ELF2: variants seen among roughly 807,000 people sequenced by gnomAD.
ELF2 encodes ETS-related transcription factor Elf-2.
In ELF2, 11 loss-of-function variants were observed where a neutral mutation model predicts 54.8. That is an observed-to-expected ratio of 0.20 (90% CI 0.13 to 0.33). ELF2 has a LOEUF of 0.33. Among genes scored for constraint, ELF2 ranks in the 10% least tolerant of loss-of-function variants. The pLI is 1.00. For synonymous variants in ELF2, 203 were observed against 245.1 expected (o/e 0.83, Z 1.61); for missense variants, 513 against 703.0 (o/e 0.73, Z 3.06).
Position 139,092,787 on chromosome 4 carries a change from A to G in ELF2, c.239-19220T>C, listed in dbSNP as rs1308739852. Among the ~76,000 whole-genome samples, 3 of 152,056 alleles carry G rather than the reference A, an allele frequency of 2.0e-5. No homozygotes were observed. The East Asian group carries it at 5.8e-4, about 30-fold the overall frequency. On this transcript the variant is annotated intron_variant, in intron 4 of 9. Coordinates refer to ENST00000686138, the MANE Select transcript of ELF2 (RefSeq NM_001331036.3). ...CTGCACTACAGCCTGGGCGACAGAGAGACTCCGTCTCAAAAATAAATAAAT... is the reference window on the plus strand; with the variant it reads ...CTGCACTACAGCCTGGGCGACAGAGGGACTCCGTCTCAAAAATAAATAAAT...
intron 6 of ELF2, among the ~76,000 whole-genome samples, chr4:139,068,519 C>T (rs1276844869): frequency 1.3e-5 from 2 of 152,218 alleles, no homozygotes; most frequent in East Asian, 3.9e-4. Context: ...GTTAATTCAC[C>T]AGAATTCAAG....
intron 4 of ELF2, among the ~76,000 whole-genome samples, chr4:139,109,146 G>T (rs1734712392): frequency 2.6e-5 from 4 of 151,812 alleles, no homozygotes. Context: ...TTTTCAGGAA[G>T]ATGCTTCAAT....
intron 4 of ELF2, among the ~76,000 whole-genome samples, chr4:139,106,740 CTTTTTTT>C (rs35312494): frequency 4.3e-5 from 4 of 93,758 alleles, no homozygotes; most frequent in Admixed American, 2.4e-4. Flanking sequence ...AACTATATTT[CTTTTTTT>C]TTTTTTTTTT....
At chr4:139,142,126 G>A (rs1439801948) in intron 1 of ELF2, among the ~76,000 whole-genome samples, 1 of 152,206 alleles carries the variant, frequency 6.6e-6, no homozygotes, top group Non-Finnish European at 1.5e-5. Context: ...CACCATACCT[G>A]TAGATGGTGA....
At chr4:139,081,589 GA>G (rs1731123369) in intron 4 of ELF2, among the ~76,000 whole-genome samples, 1 of 152,102 alleles carries the variant, frequency 6.6e-6, no homozygotes, top group African/African-American at 2.4e-5. Flanking sequence ...TCTTTGTGAG[GA>G]AGAATTCTCT....
At chr4:139,147,626 T>A (rs539071935) in intron 1 of ELF2, among the ~76,000 whole-genome samples, 1 of 148,020 alleles carries the variant, frequency 6.8e-6, no homozygotes, top group Non-Finnish European at 1.5e-5. Flanking sequence ...CACCTGCCAC[T>A]GCGCCCAGCT....
At chr4:139,075,226 C>T (rs1730123464) in intron 4 of ELF2, among the ~76,000 whole-genome samples, 1 of 152,176 alleles carries the variant, frequency 6.6e-6, no homozygotes, top group East Asian at 1.9e-4. Flanking sequence ...GCTTTCAGGT[C>T]CAACAGCTTG....
chr4:139,066,141 G>A (rs1728675941), intron 7 of ELF2: 1 of 149,278 alleles, frequency 6.7e-6, no homozygotes, highest in Non-Finnish European at 1.5e-5. Context: ...CAAACCACCT[G>A]ATAAGGACAG....
At position 139,139,440 on chromosome 4, in the gene ELF2, C is replaced by G; in HGVS notation, c.-194G>C. The G allele has an allele frequency of 8.1e-7, 1 of 1,230,028 alleles. No individual in the cohort carries two copies. Among genetic ancestry groups the G allele is most frequent in the Non-Finnish European group, 1.0e-6 (1 of 987,064 alleles). 76.2% of individuals were successfully genotyped at this position (1,230,028 alleles called of 1,614,324 possible). On this transcript the variant is annotated 5_prime_UTR_variant, in exon 2 of 10. Coordinates refer to ENST00000686138, the MANE Select transcript of ELF2 (RefSeq NM_001331036.3). ...TTTGTATGTTAAGTAGTCTAAGCAT[C>G]CTTCACTATTTTCACAACTTGGGAA...
intron 1 of ELF2, among the ~76,000 whole-genome samples, chr4:139,172,850 T>C (rs1742445012): frequency 9.2e-6 from 1 of 108,646 alleles, no homozygotes; most frequent in Non-Finnish European, 1.7e-5. Context: ...AGGCATCCAC[T>C]GGGGGTCTTG....
chr4:139,065,895 A>G (rs2148674538), intron 7 of ELF2: 1 of 152,302 alleles, frequency 6.6e-6, no homozygotes, highest in Non-Finnish European at 1.5e-5. Context: ...AACTAAAAGA[A>G]GAAACCTAAG....
chr4:139,153,938 C>T (rs144686222), intron 1 of ELF2, among the ~76,000 whole-genome samples: 27 of 152,174 alleles, frequency 1.8e-4, no homozygotes, highest in African/African-American at 5.1e-4. Context: ...TACTCTCCCC[C>T]TCTTTATTTT....
At chr4:139,130,848 G>A (rs1238976929) in intron 3 of ELF2, among the ~76,000 whole-genome samples, 2 of 152,148 alleles carry the variant, frequency 1.3e-5, no homozygotes, top group Non-Finnish European at 2.9e-5. Flanking sequence ...TTCAACATTT[G>A]CTCATCTATG....
At chr4:139,112,209 T>C (rs1264231228) in intron 4 of ELF2, among the ~76,000 whole-genome samples, 2 of 152,180 alleles carry the variant, frequency 1.3e-5, no homozygotes, top group Non-Finnish European at 2.9e-5. Flanking sequence ...CAGATAGCCT[T>C]GTTTTTCTTC....
chr4:139,172,813 A>T (rs1578996483), intron 1 of ELF2, among the ~76,000 whole-genome samples: 2 of 135,270 alleles, frequency 1.5e-5, no homozygotes, highest in Non-Finnish European at 3.1e-5. Context: ...AAAAAATAAT[A>T]TATGGTTCAA....
intron 1 of ELF2, among the ~76,000 whole-genome samples, chr4:139,150,975 G>A (rs1390395867): frequency 6.8e-6 from 1 of 148,084 alleles, no homozygotes; most frequent in Admixed American, 6.8e-5. Context: ...AGTGAGCCGA[G>A]ATCGCACCAC....
At chr4:139,125,002 T>C (rs2148835464) in intron 4 of ELF2, among the ~76,000 whole-genome samples, 162 bp downstream of exon 4, 1 of 152,288 alleles carries the variant, frequency 6.6e-6, no homozygotes, top group African/African-American at 2.4e-5. Flanking sequence ...AGAAGTTTTA[T>C]ATCTACACAA....
intron 1 of ELF2, among the ~76,000 whole-genome samples, chr4:139,143,214 T>C (rs927598601): frequency 1.3e-5 from 2 of 152,206 alleles, no homozygotes; most frequent in Non-Finnish European, 2.9e-5. Context: ...GGTAGACAGC[T>C]GTGCATGTGT....
chr4:139,115,367 T>A, intron 4 of ELF2: 2 of 1,117,944 alleles, frequency 1.8e-6, no homozygotes, highest in Non-Finnish European at 2.2e-6. Context: ...GGTGCCGCTG[T>A]CCGCCATGGC....
Sources: gnomAD v4.1 joint callset for allele counts (sites outside exome capture counted in the v4.1 genomes callset) on GRCh38, gnomAD v4.1.1 for gene constraint, MANE v1.5 for transcripts, NCBI Gene and HGNC (gene_info 2026-07-23, HGNC 2026-07-21) for gene names.